Variants in DMGDH observed in about 807,000 individuals in gnomAD.
The protein encoded by DMGDH is dimethylglycine dehydrogenase, mitochondrial.
Under a neutral mutation model 95.2 loss-of-function variants are expected in DMGDH, and 76 were observed. The ratio of observed to expected loss-of-function variants is 0.80; its 90% CI spans 0.66 to 0.97. The LOEUF is 0.97. Ranked by LOEUF, DMGDH falls within the 50% of genes least tolerant of loss-of-function variation. The pLI, the probability that DMGDH is intolerant of heterozygous loss-of-function variation, is 0.00. For missense variants in DMGDH, 987 were observed against 1,055.0 expected (o/e 0.94, Z 0.89); for synonymous variants, 345 against 377.6 (o/e 0.91, Z 1.00).
At chr5:79,033,884 T>C (rs939933751) in intron 7 of DMGDH, among the ~76,000 whole-genome samples, 7 of 152,094 alleles carry the variant, frequency 4.6e-5, no homozygotes, top group African/African-American at 1.7e-4. Flanking sequence ...GTGAGCCATA[T>C]TCGCACCACT....
rs144192299 is a variant in DMGDH, at chr5:79,065,279, C to T, written c.102-1492G>A. Among the ~76,000 whole-genome samples, 1,123 of 147,686 alleles carry T rather than the reference C, an allele frequency of 7.6e-3. 14 individuals are homozygous for T. The highest frequency in any genetic ancestry group is 0.027 in the African/African-American group (1,078 of 39,946). ...TGTCACCCAGGCTGGAGTGCAGTGG[C>T]GCCATCTTTGCAAATTCCACCCCCA... On this transcript the variant is annotated intron_variant, in intron 1 of 15. Coordinates refer to ENST00000255189, the MANE Select transcript of DMGDH (RefSeq NM_013391.3).
Position 79,042,457 on chromosome 5 carries a change from GA to G in DMGDH, c.1018del (p.Ser340LeufsTer3). 2 of 1,614,144 alleles carry G rather than the reference GA, an allele frequency of 1.2e-6. No individual in the cohort carries two copies. Among genetic ancestry groups the G allele is most frequent in the Middle Eastern group, 1.6e-4 (1 of 6,062 alleles). Reference sequence around the variant, plus strand: ...GTGTTCCATGATTCGATCTAGATCAGACTCAAAGAGTTCCTTTCCAAAACCT... The same window carrying G: ...GTGTTCCATGATTCGATCTAGATCAGCTCAAAGAGTTCCTTTCCAAAACCT... ...PPGFGKELFE[S>X]DLDRIMEHIK... On this transcript the variant is annotated frameshift_variant, in exon 7 of 16. Coordinates refer to ENST00000255189, the MANE Select transcript of DMGDH (RefSeq NM_013391.3). LOFTEE classifies it high-confidence loss of function.
intron 4 of DMGDH, among the ~76,000 whole-genome samples, 172 bp from the exon 5 acceptor site, chr5:79,051,663 A>C (rs894865463): frequency 6.6e-6 from 1 of 152,216 alleles, no homozygotes; most frequent in Non-Finnish European, 1.5e-5. Context: ...CAAGTCCTGG[A>C]CTGCTGAAAA....
At chr5:79,027,209 A>G (rs1309796620) in intron 12 of DMGDH, among the ~76,000 whole-genome samples, 1 of 152,034 alleles carries the variant, frequency 6.6e-6, no homozygotes, top group Non-Finnish European at 1.5e-5. Context: ...TTTTGTTGAG[A>G]CAGGGTCTCA....
intron 6 of DMGDH, 38 bp from the exon 7 acceptor site, chr5:79,042,519 T>C: frequency 1.9e-6 from 3 of 1,600,830 alleles, no homozygotes; most frequent in Non-Finnish European, 2.6e-6. Flanking sequence ...ATGCCGTAGC[T>C]GAGCTGACAA....
rs756464069 is a variant in DMGDH at position 79,026,457 on chromosome 5, G to A, written c.2157C>T (p.Arg719=). Residue 719 remains arginine, a synonymous_variant, in exon 13 of 16, where the codon CGC becomes CGT. Coordinates refer to ENST00000255189, the MANE Select transcript of DMGDH (RefSeq NM_013391.3). ...NFGTYAMNAL[R]LEKAFRAWGL... is the part of the protein sequence containing the mutation. ...CCCAGGCTCTGAAGGCTTTCTCCAG[G>A]CGTAAGGCATTCATGGCATAGGTTC... 1.2e-6 allele frequency: 2 copies of A among 1,613,950 alleles called. No individual in the cohort carries two copies.
At chr5:79,021,589 A>G (rs769557970) in intron 14 of DMGDH, 9 of 1,304,106 alleles carry the variant, frequency 6.9e-6, no homozygotes, top group Non-Finnish European at 9.0e-6. Flanking sequence ...ACAGGTTTTG[A>G]CAAGAACACG....
At chr5:79,017,664 G>A (rs1269702340) in intron 14 of DMGDH, among the ~76,000 whole-genome samples, 1 of 152,158 alleles carries the variant, frequency 6.6e-6, no homozygotes, top group East Asian at 1.9e-4. Context: ...ATTTACCTAG[G>A]GAAAAGAAAG....
At chr5:79,021,476 G>A in intron 14 of DMGDH, 2 of 1,243,450 alleles carry the variant, frequency 1.6e-6, no homozygotes, top group South Asian at 1.4e-5. Flanking sequence ...GGGGAAGGAG[G>A]CTGGAACAAC....
intron 5 of DMGDH, among the ~76,000 whole-genome samples, chr5:79,051,010 A>C (rs551392083): frequency 6.6e-6 from 1 of 152,338 alleles, no homozygotes; most frequent in Admixed American, 6.5e-5. Flanking sequence ...GGAAGGAAAA[A>C]TAAACATAAT....
intron 12 of DMGDH, among the ~76,000 whole-genome samples, chr5:79,027,083 C>T (rs945571987): frequency 2.0e-5 from 3 of 152,230 alleles, no homozygotes; most frequent in Non-Finnish European, 2.9e-5. Context: ...CCTCCCACTT[C>T]TTCCCTAGTC....
chr5:79,062,653 G>C (rs185893927), intron 2 of DMGDH, among the ~76,000 whole-genome samples: 64 of 152,174 alleles, frequency 4.2e-4, no homozygotes, highest in African/African-American at 1.5e-3. Flanking sequence ...AGTCAATTAT[G>C]GCGCAGCCCT....
At position 79,042,384 on chromosome 5, in the gene DMGDH, G is replaced by A; in HGVS notation, c.1092C>T (p.Ile364=). Residue 364 remains isoleucine (I), a synonymous_variant, in exon 7 of 16, where the codon ATC becomes ATT. Transcript: ENST00000255189. ...TGATAGGACCATTGACAACATTGAT[G>A]ATGTCAGCCTTTTTCAAGACAGGAA... ...EMVPVLKKAD[I]INVVNGPITY... The A allele has an allele frequency of 6.2e-7, 1 of 1,614,200 alleles. No individual in the cohort carries two copies. Among genetic ancestry groups the A allele is most frequent in the Non-Finnish European group, 8.5e-7 (1 of 1,180,030 alleles).
At chr5:79,034,633 A>G (rs1281097251) in intron 7 of DMGDH, among the ~76,000 whole-genome samples, 1 of 152,178 alleles carries the variant, frequency 6.6e-6, no homozygotes, top group Non-Finnish European at 1.5e-5. Flanking sequence ...CCCAACAACA[A>G]CAACTTAGCC....
intron 7 of DMGDH, among the ~76,000 whole-genome samples, chr5:79,035,377 T>C (rs928023791): frequency 2.6e-5 from 4 of 152,146 alleles, no homozygotes; most frequent in Non-Finnish European, 5.9e-5. Context: ...GTCTAACACA[T>C]AGAAGCTGAT....
intron 1 of DMGDH, among the ~76,000 whole-genome samples, chr5:79,064,552 T>C (rs1310278725): frequency 6.6e-6 from 1 of 152,162 alleles, no homozygotes; most frequent in African/African-American, 2.4e-5. Context: ...TATTTTTAAA[T>C]GTATTTTTCT....
intron 6 of DMGDH, among the ~76,000 whole-genome samples, chr5:79,044,048 G>T (rs955296104): frequency 6.6e-6 from 1 of 152,170 alleles, no homozygotes; most frequent in Non-Finnish European, 1.5e-5. Flanking sequence ...AAATGTATCT[G>T]GAACCTTTCA....
At chr5:79,031,307 A>G (rs1337396697) in intron 9 of DMGDH, among the ~76,000 whole-genome samples, 1 of 152,210 alleles carries the variant, frequency 6.6e-6, no homozygotes, top group Non-Finnish European at 1.5e-5. Context: ...TAAGTCAACC[A>G]GTCTGGTGGT....
At position 79,042,496 on chromosome 5, in the gene DMGDH, C is replaced by G. The variant is rs749918485; in HGVS notation, c.995-15G>C. ...CTTTCCAAAACCTAAAAAGATTTGC[C>G]CTTGTGGTCAGGATGCCGTAGCTGA... is the stretch of plus-strand genomic sequence containing the variant. On this transcript the variant is annotated splice_polypyrimidine_tract_variant and intron_variant, in intron 6 of 15. Transcript: ENST00000255189. 2 of 1,613,904 alleles carry G rather than the reference C, an allele frequency of 1.2e-6. No individual in the cohort carries two copies. The highest frequency in any genetic ancestry group is 1.7e-6 in the Non-Finnish European group (2 of 1,179,850).
Sources: gnomAD v4.1 joint callset for allele counts (sites outside exome capture counted in the v4.1 genomes callset) on GRCh38, gnomAD v4.1.1 for gene constraint, MANE v1.5 for transcripts, NCBI Gene and HGNC (gene_info 2026-07-23, HGNC 2026-07-21) for gene names.